OR51Q1: variants seen among roughly 807,000 people sequenced by gnomAD.
The protein encoded by OR51Q1 is olfactory receptor 51Q1.
For synonymous variants in OR51Q1, 187 were observed against 151.7 expected, an observed-to-expected ratio of 1.23 and a Z score of -1.71; for missense variants, 501 against 397.1, an observed-to-expected ratio of 1.26 and a Z score of -2.22.
Position 5,423,191 on chromosome 11 carries a change from C to T in OR51Q1, c.*37C>T. 1 of 1,526,104 alleles carries T rather than the reference C, an allele frequency of 6.6e-7. No homozygotes were observed. The highest frequency in any genetic ancestry group is 8.8e-7 in the Non-Finnish European group (1 of 1,131,354). 94.5% of individuals were successfully genotyped at this position (1,526,104 alleles called of 1,614,324 possible). ...TCTTAAATTACTGACAAGTATGAGT[C>T]ATAGGCTTAAGGGGGGAATATATTC... On this transcript the variant is annotated 3_prime_UTR_variant, in exon 1 of 1. Transcript: ENST00000300778.
chr11:5,423,034 G>T lies in OR51Q1; in HGVS notation c.834G>T (p.Met278Ile), dbSNP rs577276785. The change falls in exon 1 of 1, where the codon ATG becomes ATT. Residue 278 changes from methionine to isoleucine, a missense_variant. Physicochemically the swap from Met to Ile is conservative, Grantham distance 10 (BLOSUM62 1). Transcript: ENST00000300778. ...CCTCTCCACTGGTCCATGTTATCATGGCCAATATCTACCTGCTGGCACCCC... is the reference window on the plus strand; with the variant it reads ...CCTCTCCACTGGTCCATGTTATCATTGCCAATATCTACCTGCTGGCACCCC... ...KHASPLVHVIMANIYLLAPPV... is the reference protein window; with the variant it reads ...KHASPLVHVIIANIYLLAPPV... 6.2e-7 allele frequency: 1 copy of T among 1,613,930 alleles called. No homozygotes were observed. The highest frequency in any genetic ancestry group is 1.1e-5 in the South Asian group (1 of 91,064).
Position 5,423,069 on chromosome 11 carries a change from A to G in OR51Q1, c.869A>G (p.Asn290Ser), listed in dbSNP as rs1294511921. The G allele has an allele frequency of 1.2e-6, 2 of 1,614,104 alleles. No individual in the cohort carries two copies. The highest frequency in any genetic ancestry group is 1.7e-6 in the Non-Finnish European group (2 of 1,180,024). The change falls in exon 1 of 1, where the codon AAC becomes AGC. Residue 290 changes from asparagine to serine, a missense_variant. Physicochemically the swap from Asn to Ser is conservative, Grantham distance 46. Coordinates refer to ENST00000300778, the MANE Select transcript of OR51Q1 (RefSeq NM_001004757.2). The stretch of plus-strand genomic sequence containing the variant: ...TACCTGCTGGCACCCCCGGTGATGA[A>G]CCCCATCATTTACAGTGTAAAGAAC... Reference protein sequence around the residue: ...NIYLLAPPVMNPIIYSVKNKQ... With the variant: ...NIYLLAPPVMSPIIYSVKNKQ...
rs763067199 is a variant in OR51Q1 at position 5,422,598 on chromosome 11, A to C, written c.398A>C (p.His133Pro). Reference protein sequence around the residue: ...DCYVAICCPLHYASILTNEVI... With the variant: ...DCYVAICCPLPYASILTNEVI... ...TATGTGGCCATCTGCTGTCCCCTCC[A>C]TTATGCCTCCATCCTCACCAATGAA... The change falls in exon 1 of 1, where the codon CAT (histidine) becomes CCT (proline). Residue 133 changes from histidine to proline, a missense_variant. Physicochemically the swap from His to Pro is moderately conservative, Grantham distance 77 (BLOSUM62 -2). Transcript: ENST00000300778. The C allele has an allele frequency of 6.2e-7, 1 of 1,613,884 alleles. No individual in the cohort carries two copies. The highest frequency in any genetic ancestry group is 1.7e-5 in the Admixed American group (1 of 60,012).
rs1486970603 is a variant in OR51Q1, at chr11:5,422,405, G to A, written c.205G>A (p.Ala69Thr). 1 of 1,613,952 alleles carries A rather than the reference G, an allele frequency of 6.2e-7. No individual in the cohort carries two copies. The highest frequency in any genetic ancestry group is 1.3e-5 in the African/African-American group (1 of 74,898). Residue 69 changes from alanine to threonine, a missense_variant, in exon 1 of 1, where the codon GCC becomes ACC. Ala to Thr is a moderately conservative substitution (Grantham distance 58). Coordinates refer to ENST00000300778, the MANE Select transcript of OR51Q1 (RefSeq NM_001004757.2). ...QRMYLFLSML[A>T]LTDLGLTLTT... The stretch of plus-strand genomic sequence containing the variant: ...CATGTATCTGTTTCTCTCCATGCTG[G>A]CCCTGACGGACCTGGGTCTCACCCT...
Position 5,423,031 on chromosome 11 carries a change from C to A in OR51Q1, c.831C>A (p.Ile277=), listed in dbSNP as rs141346924. 1.1e-5 allele frequency: 18 copies of A among 1,613,984 alleles called. No individual in the cohort carries two copies. The highest frequency in any genetic ancestry group is 1.4e-5 in the Non-Finnish European group (17 of 1,180,030). The change falls in exon 1 of 1, where the codon ATC becomes ATA. Residue 277 remains isoleucine, a synonymous_variant. Transcript: ENST00000300778. ...ATGCCTCTCCACTGGTCCATGTTAT[C>A]ATGGCCAATATCTACCTGCTGGCAC... ...AKHASPLVHV[I]MANIYLLAPP... is the part of the protein sequence containing the mutation.
chr11:5,422,587 C>A lies in OR51Q1; in HGVS notation c.387C>A (p.Cys129Ter). 1 of 1,614,152 alleles carries A rather than the reference C, an allele frequency of 6.2e-7. No individual in the cohort carries two copies. Among genetic ancestry groups the A allele is most frequent in the Non-Finnish European group, 8.5e-7 (1 of 1,180,034 alleles). ...CCGTTGACTGCTATGTGGCCATCTG[C>A]TGTCCCCTCCATTATGCCTCCATCC... ...AMSVDCYVAICCPLHYASILT... is the reference protein window; with the variant it reads ...AMSVDCYVAI Residue 129 changes from cysteine to a stop codon, truncating the protein, a stop_gained, in exon 1 of 1, where the codon TGC becomes TGA. Coordinates refer to ENST00000300778, the MANE Select transcript of OR51Q1 (RefSeq NM_001004757.2). LOFTEE classifies it low-confidence loss of function (END_TRUNC).
At position 5,422,345 on chromosome 11, in the gene OR51Q1, A is replaced by G. The variant is rs779246646; in HGVS notation, c.145A>G (p.Thr49Ala). The G allele has an allele frequency of 8.1e-6, 13 of 1,613,806 alleles. No homozygotes were observed. The highest frequency in any genetic ancestry group is 9.3e-6 in the Non-Finnish European group (11 of 1,179,934). ...ISIMGNTTIL[T>A]VIRTEPSVHQ... ...CATCATGGGCAATACCACCATCCTCACTGTCATTCGCACAGAGCCATCTGT... is the reference window on the plus strand; with the variant it reads ...CATCATGGGCAATACCACCATCCTCGCTGTCATTCGCACAGAGCCATCTGT... The change falls in exon 1 of 1, where the codon ACT (threonine) becomes GCT (alanine). Residue 49 changes from threonine (T) to alanine (A), a missense_variant. Transcript: ENST00000300778.
In OR51Q1 at chr11:5,422,713, C is replaced by T. The variant is rs748016547; in HGVS notation, c.513C>T (p.Cys171=). The T allele has an allele frequency of 1.2e-6, 2 of 1,614,078 alleles. No homozygotes were observed. Among genetic ancestry groups the T allele is most frequent in the Admixed American group, 3.3e-5 (2 of 60,006 alleles). ...SLFLLKRLPF[C]HSHLLSRSYC... Reference sequence around the variant, plus strand: ...TCTTACTCAAGCGACTGCCTTTCTGCCACTCCCACCTTCTCTCTCGCTCCT... The same window carrying T: ...TCTTACTCAAGCGACTGCCTTTCTGTCACTCCCACCTTCTCTCTCGCTCCT... Residue 171 remains cysteine (C), a synonymous_variant, in exon 1 of 1, where the codon TGC becomes TGT. Coordinates refer to ENST00000300778, the MANE Select transcript of OR51Q1 (RefSeq NM_001004757.2).
rs10838094 is a variant in OR51Q1, at chr11:5,422,663, G to A, written c.463G>A (p.Val155Ile). Reference sequence around the variant, plus strand: ...TGGGTTAGCCATCATTTGCTGCTGTGTTCTGGCGGTTCTTCCCTCCCTTTT... The same window carrying A: ...TGGGTTAGCCATCATTTGCTGCTGTATTCTGGCGGTTCTTCCCTCCCTTTT... Reference protein sequence around the residue: ...RTGLAIICCCVLAVLPSLFLL... With the variant: ...RTGLAIICCCILAVLPSLFLL... The change falls in exon 1 of 1, where the codon GTT (valine) becomes ATT (isoleucine). Residue 155 changes from valine (V) to isoleucine (I), a missense_variant. Transcript: ENST00000300778. 0.4 allele frequency: 647,794 copies of A among 1,612,344 alleles called. 133,702 individuals carry two copies. The highest frequency in any genetic ancestry group is 0.68 in the East Asian group (30,565 of 44,808).
chr11:5,423,067 G>A lies in OR51Q1; in HGVS notation c.867G>A (p.Met289Ile), dbSNP rs1414520466. Reference protein sequence around the residue: ...ANIYLLAPPVMNPIIYSVKNK... With the variant: ...ANIYLLAPPVINPIIYSVKNK... ...TCTACCTGCTGGCACCCCCGGTGAT[G>A]AACCCCATCATTTACAGTGTAAAGA... Residue 289 changes from methionine (M) to isoleucine (I), a missense_variant, in exon 1 of 1, where the codon ATG (methionine) becomes ATA (isoleucine). Coordinates refer to ENST00000300778, the MANE Select transcript of OR51Q1 (RefSeq NM_001004757.2). 6.8e-6 allele frequency: 11 copies of A among 1,614,114 alleles called. No homozygotes were observed. The highest frequency in any genetic ancestry group is 9.3e-6 in the Non-Finnish European group (11 of 1,180,036).
At position 5,423,206 on chromosome 11, in the gene OR51Q1, G is replaced by C. The variant is rs775531108; in HGVS notation, c.*52G>C. ...AAGTATGAGTCATAGGCTTAAGGGG[G>C]GAATATATTCAGAATTAGGAAACTA... On this transcript the variant is annotated 3_prime_UTR_variant, in exon 1 of 1. Coordinates refer to ENST00000300778, the MANE Select transcript of OR51Q1 (RefSeq NM_001004757.2). 6.8e-7 allele frequency: 1 copy of C among 1,469,496 alleles called. No homozygotes were observed. Among genetic ancestry groups the C allele is most frequent in the Non-Finnish European group, 9.0e-7 (1 of 1,105,750 alleles). 91.0% of individuals were successfully genotyped at this position (1,469,496 alleles called of 1,614,324 possible).
Position 5,423,120 on chromosome 11 carries a change from A to G in OR51Q1, c.920A>G (p.Asn307Ser). The change falls in exon 1 of 1, where the codon AAT becomes AGT. Residue 307 changes from asparagine to serine, a missense_variant. By Grantham distance (46) the Asn-to-Ser change is conservative. Coordinates refer to ENST00000300778, the MANE Select transcript of OR51Q1 (RefSeq NM_001004757.2). ...AAGCAGATCCAATGGGGAATGTTAA[A>G]TTTCCTTTCCCTCAAAAATATGCAT... ...KNKQIQWGML[N>S]FLSLKNMHSR The G allele has an allele frequency of 6.2e-7, 1 of 1,603,860 alleles. No individual in the cohort carries two copies. Among genetic ancestry groups the G allele is most frequent in the Non-Finnish European group, 8.5e-7 (1 of 1,172,750 alleles).
Position 5,422,407 on chromosome 11 carries a change from C to T in OR51Q1, c.207C>T (p.Ala69=), listed in dbSNP as rs780761727. 1.9e-6 allele frequency: 3 copies of T among 1,613,998 alleles called. No individual in the cohort carries two copies. Among genetic ancestry groups the T allele is most frequent in the Non-Finnish European group, 2.5e-6 (3 of 1,180,014 alleles). Reference sequence around the variant, plus strand: ...TGTATCTGTTTCTCTCCATGCTGGCCCTGACGGACCTGGGTCTCACCCTCA... The same window carrying T: ...TGTATCTGTTTCTCTCCATGCTGGCTCTGACGGACCTGGGTCTCACCCTCA... ...QRMYLFLSML[A]LTDLGLTLTT... Residue 69 remains alanine (A), a synonymous_variant, in exon 1 of 1, where the codon GCC becomes GCT. Transcript: ENST00000300778.
Position 5,422,744 on chromosome 11 carries a change from C to T in OR51Q1, c.544C>T (p.Leu182Phe). The T allele has an allele frequency of 6.2e-7, 1 of 1,614,088 alleles. No homozygotes were observed. Among genetic ancestry groups the T allele is most frequent in the Non-Finnish European group, 8.5e-7 (1 of 1,179,986 alleles). The change falls in exon 1 of 1, where the codon CTC (leucine) becomes TTC (phenylalanine). Residue 182 changes from leucine to phenylalanine, a missense_variant. Leu to Phe is a conservative substitution (Grantham distance 22). Coordinates refer to ENST00000300778, the MANE Select transcript of OR51Q1 (RefSeq NM_001004757.2). ...HSHLLSRSYCLHQDMIRLVCA... is the reference protein window; with the variant it reads ...HSHLLSRSYCFHQDMIRLVCA... ...CCACCTTCTCTCTCGCTCCTATTGC[C>T]TCCACCAGGATATGATCCGCCTGGT...
Position 5,423,119 on chromosome 11 carries a change from A to C in OR51Q1, c.919A>C (p.Asn307His). The C allele has an allele frequency of 2.5e-6, 4 of 1,604,362 alleles. No homozygotes were observed. Among genetic ancestry groups the C allele is most frequent in the Non-Finnish European group, 3.4e-6 (4 of 1,173,114 alleles). ...CAAGCAGATCCAATGGGGAATGTTA[A>C]ATTTCCTTTCCCTCAAAAATATGCA... ...KNKQIQWGML[N>H]FLSLKNMHSR The change falls in exon 1 of 1, where the codon AAT becomes CAT. Residue 307 changes from asparagine to histidine, a missense_variant. Physicochemically the swap from Asn to His is moderately conservative, Grantham distance 68. Transcript: ENST00000300778.
Position 5,422,809 on chromosome 11 carries a change from T to C in OR51Q1, c.609T>C (p.Ala203=). ...DIRLNSWYGF[A]LALLIIIVDP... is the part of the protein sequence containing the mutation. ...GGCTCAACAGCTGGTATGGATTTGC[T>C]CTTGCCTTGCTCATTATTATCGTGG... Residue 203 remains alanine (A), a synonymous_variant, in exon 1 of 1, where the codon GCT becomes GCC. Coordinates refer to ENST00000300778, the MANE Select transcript of OR51Q1 (RefSeq NM_001004757.2). The C allele has an allele frequency of 6.2e-7, 1 of 1,614,166 alleles. No homozygotes were observed.
In OR51Q1 at chr11:5,422,821, CATT is replaced by C. The variant is rs1333538982; in HGVS notation, c.627_629del (p.Ile210del). 3.7e-6 allele frequency: 6 copies of C among 1,614,008 alleles called. No homozygotes were observed. The African/African-American group carries it at 8.0e-5, about 22-fold the overall frequency. On this transcript the variant is annotated inframe_deletion, in exon 1 of 1. Transcript: ENST00000300778. ...GGTATGGATTTGCTCTTGCCTTGCT[CATT>C]ATTATCGTGGATCCTCTGCTCATTG...
In OR51Q1 at chr11:5,422,165, G is replaced by C. The variant is rs1010323716; in HGVS notation, c.-36G>C. Reference sequence around the variant, plus strand: ...TTCTAATGTTTCTTTTTCTCCCTGAGTGAAGATCCTGAATCTGAAGACACA... The same window carrying C: ...TTCTAATGTTTCTTTTTCTCCCTGACTGAAGATCCTGAATCTGAAGACACA... On this transcript the variant is annotated 5_prime_UTR_variant, in exon 1 of 1. Transcript: ENST00000300778. 6.9e-7 allele frequency: 1 copy of C among 1,447,248 alleles called. No homozygotes were observed. The highest frequency in any genetic ancestry group is 1.8e-4 in the Middle Eastern group (1 of 5,502). The allele number at this position is 1,447,248 out of a possible 1,614,324, so 89.7% of individuals were successfully genotyped here.
rs1235915674 is a variant in OR51Q1, at chr11:5,422,442, C to G, written c.242C>G (p.Pro81Arg). 1.2e-6 allele frequency: 2 copies of G among 1,614,188 alleles called. No homozygotes were observed. Among genetic ancestry groups the G allele is most frequent in the South Asian group, 2.2e-5 (2 of 91,074 alleles). ...CTGGGTCTCACCCTCACCACCCTAC[C>G]CACAGTCATGCAGCTTCTCTGGTTC... ...TDLGLTLTTL[P>R]TVMQLLWFNV... The change falls in exon 1 of 1, where the codon CCC becomes CGC. Residue 81 changes from proline to arginine, a missense_variant. Transcript: ENST00000300778.
Sources: allele counts gnomAD v4.1 joint callset, GRCh38; gene constraint gnomAD v4.1.1; transcripts MANE v1.5; gene names NCBI Gene and HGNC (gene_info 2026-07-23, HGNC 2026-07-21).